The following PLCE1 variants were observed in gnomAD, a reference collection of about 807,000 sequenced individuals.
PLCE1 encodes the protein phospholipase C epsilon 1.
A neutral mutation model predicts 242.8 loss-of-function variants in PLCE1; 119 were observed. That is an observed-to-expected ratio of 0.49 (90% CI 0.42 to 0.57). PLCE1 has a LOEUF of 0.57. Ranked by LOEUF, PLCE1 falls within the 20% of genes least tolerant of loss-of-function variation. PLCE1 has a pLI of 0.00. For missense variants in PLCE1, 2,441 were observed against 2,788.8 expected, an observed-to-expected ratio of 0.88 and a Z score of 2.81; for synonymous variants, 945 against 1,017.4, an observed-to-expected ratio of 0.93 and a Z score of 1.35.
intron 4 of PLCE1, among the ~76,000 whole-genome samples, chr10:94,218,449 C>T (rs1338503983): frequency 6.6e-6 from 1 of 152,104 alleles, no homozygotes; most frequent in Non-Finnish European, 1.5e-5. Flanking sequence ...ATGTTTTCTG[C>T]TATACCATCC....
intron 2 of PLCE1, 48 bp downstream of exon 2, chr10:94,032,300 T>C: frequency 6.3e-7 from 1 of 1,586,754 alleles, no homozygotes; most frequent in South Asian, 1.1e-5. Context: ...TTGCTTTTTT[T>C]TTCAAAAAAA....
intron 2 of PLCE1, chr10:94,100,608 G>A (rs2045495074): frequency 6.6e-6 from 1 of 152,156 alleles, no homozygotes; most frequent in African/African-American, 2.4e-5. Flanking sequence ...TCTCTTCTGG[G>A]GAAAGAGAAA....
intron 6 of PLCE1, 37 bp downstream of exon 6, chr10:94,234,349 A>G (rs1210428312): frequency 1.9e-6 from 3 of 1,609,424 alleles, no homozygotes; most frequent in Non-Finnish European, 2.5e-6. Flanking sequence ...CTGAAGAGCC[A>G]CTGTTGCTGG....
chr10:94,282,045 C>T (rs952882494), intron 20 of PLCE1, among the ~76,000 whole-genome samples: 1 of 150,132 alleles, frequency 6.7e-6, no homozygotes, highest in African/African-American at 2.5e-5. Context: ...TGAAAGCTAT[C>T]ACCTCTGAAA....
At chr10:94,231,213 G>A (rs958719641) in intron 5 of PLCE1, among the ~76,000 whole-genome samples, 2 of 152,116 alleles carry the variant, frequency 1.3e-5, no homozygotes, top group African/African-American at 4.8e-5. Flanking sequence ...GATCTTTGCT[G>A]AAGTTTGCCC....
At chr10:94,132,584 T>C in intron 3 of PLCE1, 125 bp downstream of exon 3, 1 of 904,822 alleles carries the variant, frequency 1.1e-6, no homozygotes, top group Non-Finnish European at 1.8e-6. Flanking sequence ...TAAAAGTCGC[T>C]TCTTTAAGAG....
intron 22 of PLCE1, among the ~76,000 whole-genome samples, chr10:94,289,882 T>A (rs1292740617): frequency 6.6e-6 from 1 of 152,194 alleles, no homozygotes; most frequent in Non-Finnish European, 1.5e-5. Flanking sequence ...AAATTTTTCT[T>A]CAAAAATAAA....
chr10:94,099,534 A>G (rs193191173), intron 2 of PLCE1: 1 of 152,356 alleles, frequency 6.6e-6, no homozygotes, highest in African/African-American at 2.4e-5. Context: ...TCGAACACAT[A>G]TGTCAAGGTT....
chr10:94,105,100 A>G (rs1212497257), intron 2 of PLCE1: 1 of 152,172 alleles, frequency 6.6e-6, no homozygotes, highest in African/African-American at 2.4e-5. Context: ...TGAAAATGAT[A>G]GCATGTTTGA....
intron 4 of PLCE1, among the ~76,000 whole-genome samples, chr10:94,187,818 C>T (rs2048530948): frequency 6.6e-6 from 1 of 152,200 alleles, no homozygotes; most frequent in Non-Finnish European, 1.5e-5. Flanking sequence ...CATCACACCT[C>T]ATACTTTGAA....
At chr10:94,237,300 G>A (rs1423931530) in intron 7 of PLCE1, among the ~76,000 whole-genome samples, 1 of 152,164 alleles carries the variant, frequency 6.6e-6, no homozygotes. Context: ...ATCTGGGGCT[G>A]TGTGTGTATG....
intron 4 of PLCE1, among the ~76,000 whole-genome samples, chr10:94,183,586 T>C (rs1246942530): frequency 6.6e-6 from 1 of 152,218 alleles, no homozygotes; most frequent in Non-Finnish European, 1.5e-5. Context: ...TGATTTACTC[T>C]TTCCTCAAAC....
At chr10:94,318,213 T>G (rs1164938113) in intron 29 of PLCE1, among the ~76,000 whole-genome samples, 2 of 152,226 alleles carry the variant, frequency 1.3e-5, no homozygotes, top group East Asian at 3.8e-4. Flanking sequence ...ACACACTAAT[T>G]GCTAAGACAG....
In PLCE1 at chr10:94,132,274, T is replaced by A. The variant is rs1344014759; in HGVS notation, c.1307T>A (p.Ile436Lys). Reference protein sequence around the residue: ...LPASETAHGRISVGPCLKQCV... With the variant: ...LPASETAHGRKSVGPCLKQCV... ...GCCTCCGAGACAGCCCATGGAAGGA[T>A]AAGCGTTGGTCCATGCTTAAAGCAA... Residue 436 changes from isoleucine (I) to lysine (K), a missense_variant, in exon 3 of 33, where the codon ATA becomes AAA. Around this residue, in one of 5 missense-constraint regions of PLCE1, gnomAD observed 733 missense variants for 754.2 expected, o/e 0.97. Transcript: ENST00000371380. 1 of 1,613,970 alleles carries A rather than the reference T, an allele frequency of 6.2e-7. No individual in the cohort carries two copies. The highest frequency in any genetic ancestry group is 8.5e-7 in the Non-Finnish European group (1 of 1,179,990).
chr10:93,999,294 G>T (rs1252378304), intron 1 of PLCE1, among the ~76,000 whole-genome samples: 1 of 152,180 alleles, frequency 6.6e-6, no homozygotes, highest in Non-Finnish European at 1.5e-5. Flanking sequence ...TCTGAGGTAG[G>T]TACTTTTATT....
chr10:94,066,281 A>G (rs2044193797), intron 2 of PLCE1, among the ~76,000 whole-genome samples: 1 of 152,200 alleles, frequency 6.6e-6, no homozygotes, highest in African/African-American at 2.4e-5. Context: ...TGTCTTTTTC[A>G]TTGTTCTGTC....
chr10:94,103,863 AG>A (rs1328345272), intron 2 of PLCE1, among the ~76,000 whole-genome samples: 1 of 152,252 alleles, frequency 6.6e-6, no homozygotes, highest in Non-Finnish European at 1.5e-5. Context: ...CTTCAAGGCT[AG>A]TAGGCACCAG....
At position 94,298,751 on chromosome 10, in the gene PLCE1, C is replaced by A; in HGVS notation, c.5458+82C>A. ...GTTTGACAGCATTTTTTCAAAGGGG[C>A]AAGATTCCAGACTGGGGCACACCAT... On this transcript the variant is annotated intron_variant, in intron 24 of 32. Coordinates refer to ENST00000371380, the MANE Select transcript of PLCE1 (RefSeq NM_016341.4). This position sits in a 1 kb window ranked among gnomAD's most constrained non-coding sequence, Gnocchi z 5.2. 6.9e-7 allele frequency: 1 copy of A among 1,440,502 alleles called. No homozygotes were observed. The highest frequency in any genetic ancestry group is 9.8e-7 in the Non-Finnish European group (1 of 1,025,072). The allele number at this position is 1,440,502 out of a possible 1,614,324, so 89.2% of individuals were successfully genotyped here.
chr10:94,120,623 CTG>C (rs1332676461), intron 2 of PLCE1: 3 of 152,196 alleles, frequency 2.0e-5, no homozygotes, highest in African/African-American at 7.2e-5. Flanking sequence ...GGATAAATAA[CTG>C]TCTGCTAATA....
Sources: allele counts gnomAD v4.1 joint callset (sites outside exome capture counted in the v4.1 genomes callset), GRCh38; gene constraint gnomAD v4.1.1; regional missense constraint gnomAD v4.1.1; non-coding constraint Gnocchi (gnomAD v3.1); transcripts MANE v1.5; gene names NCBI Gene and HGNC (gene_info 2026-07-23, HGNC 2026-07-21).